Variants in PLA2R1 observed in about 807,000 individuals in gnomAD.
PLA2R1 encodes secretory phospholipase A2 receptor.
A neutral mutation model predicts 195.9 loss-of-function variants in PLA2R1; 158 were observed. The ratio of observed to expected loss-of-function variants is 0.81; its 90% CI spans 0.71 to 0.92. PLA2R1 has a LOEUF of 0.92. Among genes scored for constraint, PLA2R1 ranks in the 40% least tolerant of loss-of-function variants. The probability of loss-of-function intolerance (pLI) is 0.00; values close to 1 mark genes in which losing one functional copy is unlikely to be tolerated. For missense variants in PLA2R1, 1,626 were observed against 1,764.6 expected (o/e 0.92, Z 1.41); for synonymous variants, 586 against 598.2 (o/e 0.98, Z 0.30).
chr2:160,061,514 C>T (rs1335354336), intron 1 of PLA2R1, among the ~76,000 whole-genome samples: 2 of 152,166 alleles, frequency 1.3e-5, no homozygotes, highest in East Asian at 3.9e-4. Context: ...TGGGTCAGGC[C>T]TGTAATCCCA....
At chr2:160,048,318 G>A (rs1695008088) in intron 1 of PLA2R1, among the ~76,000 whole-genome samples, 1 of 152,136 alleles carries the variant, frequency 6.6e-6, no homozygotes, top group Admixed American at 6.5e-5. Flanking sequence ...CTGCCTTTAG[G>A]AAATAGCTTT....
intron 18 of PLA2R1, 89 bp from the exon 19 acceptor site, chr2:159,969,448 A>C (rs1459061973): frequency 4.4e-6 from 3 of 686,644 alleles, no homozygotes; most frequent in African/African-American, 3.7e-5. Context: ...GTAGGGATTG[A>C]AGATATAATA....
downstream of PLA2R1, among the ~76,000 whole-genome samples, chr2:159,927,644 T>C (rs764080912): frequency 2.0e-5 from 3 of 152,250 alleles, no homozygotes; most frequent in East Asian, 3.8e-4. Context: ...TGGGTTCCAG[T>C]GCATAAATGC....
chr2:159,970,269 A>AG lies in PLA2R1; in HGVS notation c.2596-58dup, dbSNP rs1261144965. 31 of 1,229,994 alleles carry AG rather than the reference A, an allele frequency of 2.5e-5. No homozygotes were observed. The African/African-American group carries it at 4.7e-4, about 18-fold the overall frequency. 76.2% of individuals were successfully genotyped at this position (1,229,994 alleles called of 1,614,324 possible). ...TACTTGTTTTCCTTTTTCACTATTA[A>AG]GAGTAATGGGGTTGCTGCTAATAGC... On this transcript the variant is annotated intron_variant, in intron 17 of 29. Coordinates refer to ENST00000283243, the MANE Select transcript of PLA2R1 (RefSeq NM_007366.5).
At position 159,967,538 on chromosome 2, in the gene PLA2R1, C is replaced by A; in HGVS notation, c.2904+1G>T. The A allele has an allele frequency of 6.2e-7, 1 of 1,612,602 alleles. No individual in the cohort carries two copies. The highest frequency in any genetic ancestry group is 8.5e-7 in the Non-Finnish European group (1 of 1,179,312). Reference sequence around the variant, plus strand: ...AGGCAACTTTTGAAAAACAAGCTTACCTTATAGTTAAAATATAGCCATCCT... The same window carrying A: ...AGGCAACTTTTGAAAAACAAGCTTAACTTATAGTTAAAATATAGCCATCCT... On this transcript the variant is annotated splice_donor_variant, in intron 20 of 29. Coordinates refer to ENST00000283243, the MANE Select transcript of PLA2R1 (RefSeq NM_007366.5). LOFTEE classifies it high-confidence loss of function.
Position 160,042,026 on chromosome 2 carries a change from G to C in PLA2R1, c.666C>G (p.Pro222=). The C allele has an allele frequency of 6.2e-7, 1 of 1,610,186 alleles. No homozygotes were observed. Among genetic ancestry groups the C allele is most frequent in the Non-Finnish European group, 8.5e-7 (1 of 1,176,840 alleles). The part of the protein sequence containing the change: ...RDEKWGFCPD[P]TSAEVGCDTI... ...AGAGAAGACAAAATTTATTCTTACTGGGATCAGGGCAAAATCCCCACTTTT... is the reference window on the plus strand; with the variant it reads ...AGAGAAGACAAAATTTATTCTTACTCGGATCAGGGCAAAATCCCCACTTTT... The change falls in exon 3 of 30, where the codon CCC becomes CCG. Residue 222 remains proline, a splice_region_variant and synonymous_variant. Coordinates refer to ENST00000283243, the MANE Select transcript of PLA2R1 (RefSeq NM_007366.5).
rs779254429 is a variant in PLA2R1, at chr2:160,016,609, C to T, written c.1551+5G>A. The T allele has an allele frequency of 1.3e-6, 2 of 1,499,852 alleles. No homozygotes were observed. Among genetic ancestry groups the T allele is most frequent in the African/African-American group, 2.7e-5 (2 of 72,866 alleles). The allele number at this position is 1,499,852 out of a possible 1,614,324, so 92.9% of individuals were successfully genotyped here. ...TACCTAAATTGCAATGTTAACAGCA[C>T]TTACCTCTTGACATCCTGATTCAGC... On this transcript the variant is annotated splice_donor_5th_base_variant and intron_variant, in intron 9 of 29. Transcript: ENST00000283243.
chr2:159,985,776 A>G (rs557218621), intron 12 of PLA2R1, among the ~76,000 whole-genome samples: 39 of 152,278 alleles, frequency 2.6e-4, no homozygotes, highest in African/African-American at 9.4e-4. Flanking sequence ...GTGTATGAAC[A>G]ATATTGACTG....
At chr2:160,054,328 G>C (rs1000665819) in intron 1 of PLA2R1, among the ~76,000 whole-genome samples, 1 of 152,250 alleles carries the variant, frequency 6.6e-6, no homozygotes, top group South Asian at 2.1e-4. Flanking sequence ...GCCTCACAAG[G>C]CCTTGATAGG....
intron 1 of PLA2R1, among the ~76,000 whole-genome samples, chr2:160,061,886 G>A (rs1159807744): frequency 1.3e-5 from 2 of 152,184 alleles, no homozygotes; most frequent in African/African-American, 4.8e-5. Flanking sequence ...TGCTTTGCAA[G>A]GGGACGAACT....
At chr2:159,971,917 T>A (rs1050859586) in intron 17 of PLA2R1, among the ~76,000 whole-genome samples, 1 of 152,192 alleles carries the variant, frequency 6.6e-6, no homozygotes, top group African/African-American at 2.4e-5. Flanking sequence ...TAATTTTGTA[T>A]CCCTGAGGTG....
intron 1 of PLA2R1, among the ~76,000 whole-genome samples, chr2:160,058,279 C>T (rs1183610744): frequency 6.6e-6 from 1 of 152,090 alleles, no homozygotes; most frequent in Non-Finnish European, 1.5e-5. Flanking sequence ...CGAGAGACAC[C>T]CCGTACACCC....
chr2:160,054,240 A>T (rs1339965922), intron 1 of PLA2R1, among the ~76,000 whole-genome samples: 1 of 152,222 alleles, frequency 6.6e-6, no homozygotes, highest in Admixed American at 6.5e-5. Context: ...GTTTGAGACC[A>T]GCCTGAGCAA....
chr2:159,931,857 T>G (rs1686603749), downstream of PLA2R1: 1 of 152,210 alleles, frequency 6.6e-6, no homozygotes, highest in African/African-American at 2.4e-5. Flanking sequence ...GATTAGTGGA[T>G]AAATGTACGT....
At chr2:160,032,454 A>G (rs1315147269) in intron 4 of PLA2R1, among the ~76,000 whole-genome samples, 2 of 152,192 alleles carry the variant, frequency 1.3e-5, no homozygotes, top group South Asian at 2.1e-4. Flanking sequence ...TTCTTTTAAC[A>G]TATTATTGTC....
chr2:159,979,708 T>C, intron 14 of PLA2R1, 122 bp downstream of exon 14: 1 of 592,806 alleles, frequency 1.7e-6, no homozygotes, highest in Non-Finnish European at 3.1e-6. Context: ...TACTAAGGTC[T>C]GGTGCAGTTT....
intron 9 of PLA2R1, 51 bp downstream of exon 9, chr2:160,016,563 A>G: frequency 1.2e-6 from 1 of 837,020 alleles, no homozygotes; most frequent in Non-Finnish European, 2.0e-6. Context: ...TGGAATTGAT[A>G]TTCTAGCTAT....
At chr2:159,977,842 A>G (rs1689681337) in intron 14 of PLA2R1, among the ~76,000 whole-genome samples, 2 of 152,076 alleles carry the variant, frequency 1.3e-5, no homozygotes, top group Admixed American at 6.6e-5. Flanking sequence ...ACTCGGGAGA[A>G]TGGCGTGGAC....
chr2:160,020,014 G>A, intron 8 of PLA2R1, 92 bp downstream of exon 8: 2 of 850,262 alleles, frequency 2.4e-6, no homozygotes, highest in Non-Finnish European at 1.9e-6. Flanking sequence ...GACTGCACCT[G>A]TCTTGGTCTC....
Sources: allele counts gnomAD v4.1 joint callset (sites outside exome capture counted in the v4.1 genomes callset), GRCh38; gene constraint gnomAD v4.1.1; transcripts MANE v1.5; gene names NCBI Gene and HGNC (gene_info 2026-07-23, HGNC 2026-07-21).